DPY19L1: variants seen among roughly 807,000 people sequenced by gnomAD.
The protein encoded by DPY19L1 is dpy-19 like C-mannosyltransferase 1.
DPY19L1 carries 35 observed loss-of-function variants against 96.9 expected under a neutral mutation model. The ratio of observed to expected loss-of-function variants is 0.36; its 90% confidence interval spans 0.28 to 0.48. DPY19L1 has a LOEUF of 0.48. Ranked by LOEUF, DPY19L1 falls within the 20% of genes least tolerant of loss-of-function variation. DPY19L1 has a pLI of 0.99. For missense variants in DPY19L1, 521 were observed against 777.9 expected, an observed-to-expected ratio of 0.67 and a Z score of 3.93; for synonymous variants, 205 against 252.6, an observed-to-expected ratio of 0.81 and a Z score of 1.79.
rs772737477 is a variant in DPY19L1 at position 35,013,624 on chromosome 7, G to A, written c.493C>T (p.Leu165=). Residue 165 remains leucine (L), a synonymous_variant, in exon 4 of 22, where the codon CTG becomes TTG. Transcript: ENST00000638088. ...TTAATGACAAGGGGGTATTCAGTCA[G>A]TTTATCATTCATAATCATCCATACT... ...NGVWMIMNDK[L]TEYPLVINTL... is the part of the protein sequence containing the mutation. 1.2e-6 allele frequency: 2 copies of A among 1,609,266 alleles called. No individual in the cohort carries two copies. The highest frequency in any genetic ancestry group is 1.7e-6 in the Non-Finnish European group (2 of 1,176,464).
rs1292475729 is a variant in DPY19L1, at chr7:34,938,094, T to C, written c.1990A>G (p.Met664Val). The C allele has an allele frequency of 4.3e-6, 7 of 1,613,566 alleles. No individual in the cohort carries two copies. Among genetic ancestry groups the C allele is most frequent in the African/African-American group, 1.3e-5 (1 of 74,910 alleles). The stretch of plus-strand genomic sequence containing the variant: ...TCTTCGGCTGCTTTCCGACTATACA[T>C]TGAGTATACTATTTTTGTTCTGGCT... ...LRARTKIVYS[M>V]YSRKAAEEVK... The change falls in exon 21 of 22, where the codon ATG (methionine) becomes GTG (valine). Residue 664 changes from methionine (M) to valine (V), a missense_variant. By Grantham distance (21) the Met-to-Val change is conservative (BLOSUM62 1). Transcript: ENST00000638088.
chr7:34,997,625 A>G (rs1785322880), intron 6 of DPY19L1, among the ~76,000 whole-genome samples: 1 of 150,844 alleles, frequency 6.6e-6, no homozygotes, highest in Non-Finnish European at 1.5e-5. Flanking sequence ...AAAAAAAAAA[A>G]AAAAAAAAGT....
chr7:34,978,988 C>T (rs1404457038), intron 7 of DPY19L1, among the ~76,000 whole-genome samples: 4 of 152,068 alleles, frequency 2.6e-5, no homozygotes, highest in Admixed American at 2.6e-4. Context: ...TTAGCTCACA[C>T]AGGATTTAAT....
At position 34,929,317 on chromosome 7, in the gene DPY19L1, A is replaced by G. The variant is rs1783700230; in HGVS notation, c.*2256T>C. On this transcript the variant is annotated 3_prime_UTR_variant, in exon 22 of 22. Coordinates refer to ENST00000638088, the MANE Select transcript of DPY19L1 (RefSeq NM_001366673.1). ...CTGCGAGCTGTGGCCACGGCTGCAT[A>G]GCAGGGACCTTCAGGCCTCTGCTCC... 1 of 152,250 alleles carries G rather than the reference A, an allele frequency of 6.6e-6. No homozygotes were observed. Among genetic ancestry groups the G allele is most frequent in the South Asian group, 2.1e-4 (1 of 4,834 alleles). 9.4% of individuals were successfully genotyped at this position (152,250 alleles called of 1,614,324 possible). A position where few individuals can be genotyped will look rare whatever the true frequency, so the allele number is the denominator to read the frequency against.
chr7:35,010,799 A>G (rs1355084292), intron 5 of DPY19L1, among the ~76,000 whole-genome samples: 2 of 152,178 alleles, frequency 1.3e-5, no homozygotes, highest in Non-Finnish European at 2.9e-5. Flanking sequence ...CTCTGGAGGT[A>G]TGGGGTCTAT....
chr7:34,968,077 A>C (rs28607033), intron 9 of DPY19L1, among the ~76,000 whole-genome samples: 3,048 of 152,138 alleles, frequency 0.02, 103 homozygotes, highest in African/African-American at 0.07. Context: ...CACACAGTAC[A>C]TTTACAGGGT....
chr7:35,000,585 A>C (rs1192960069), intron 6 of DPY19L1: 2 of 152,212 alleles, frequency 1.3e-5, no homozygotes, highest in Non-Finnish European at 2.9e-5. Context: ...ATGGAGCACA[A>C]TAGGATCCTG....
chr7:35,033,319 G>T (rs1214207630), intron 1 of DPY19L1, among the ~76,000 whole-genome samples: 2 of 151,854 alleles, frequency 1.3e-5, no homozygotes, highest in Non-Finnish European at 2.9e-5. Flanking sequence ...TTTCTTTCCT[G>T]CAGTGCACTC....
rs746129082 is a variant in DPY19L1 at position 34,958,026 on chromosome 7, C to T, written c.1137G>A (p.Met379Ile). 1.3e-6 allele frequency: 2 copies of T among 1,586,262 alleles called. No individual in the cohort carries two copies. The highest frequency in any genetic ancestry group is 1.2e-5 in the South Asian group (1 of 84,868). The part of the protein sequence containing the change: ...LCFVLMFGNS[M>I]LLTSYYASSL... ...AAGAAGCATAATAAGAAGTTAATAACATTGAGTTCCCAAACATCAAAACAA... is the reference window on the plus strand; with the variant it reads ...AAGAAGCATAATAAGAAGTTAATAATATTGAGTTCCCAAACATCAAAACAA... Residue 379 changes from methionine (M) to isoleucine (I), a missense_variant, in exon 11 of 22, where the codon ATG becomes ATA. Coordinates refer to ENST00000638088, the MANE Select transcript of DPY19L1 (RefSeq NM_001366673.1).
intron 4 of DPY19L1, 25 bp from the exon 5 acceptor site, chr7:35,011,475 C>T: frequency 1.3e-6 from 2 of 1,574,732 alleles, no homozygotes; most frequent in Non-Finnish European, 1.7e-6. Context: ...ACAGAGGCAT[C>T]TTAAGAAAAT....
intron 19 of DPY19L1, 47 bp from the exon 20 acceptor site, chr7:34,939,422 G>A (rs1303510024): frequency 6.6e-7 from 1 of 1,504,246 alleles, no homozygotes. Flanking sequence ...GTGAAGGCGA[G>A]AAGGTGTCTC....
At chr7:35,024,627 T>C (rs1377095614) in intron 1 of DPY19L1, among the ~76,000 whole-genome samples, 6 of 152,174 alleles carry the variant, frequency 3.9e-5, no homozygotes, top group Non-Finnish European at 1.5e-5. Context: ...ACACCCTTCA[T>C]TCTAGATGCA....
At chr7:34,947,021 C>T (rs760264081) in intron 15 of DPY19L1, among the ~76,000 whole-genome samples, 1 of 152,226 alleles carries the variant, frequency 6.6e-6, no homozygotes, top group Non-Finnish European at 1.5e-5. Context: ...GTCTCTTTTT[C>T]CATCACAGAT....
At chr7:35,007,069 C>A (rs1370428360) in intron 6 of DPY19L1, among the ~76,000 whole-genome samples, 2 of 151,974 alleles carry the variant, frequency 1.3e-5, no homozygotes, top group African/African-American at 2.4e-5. Flanking sequence ...GGGTGACTAA[C>A]CATCAAGGAA....
intron 1 of DPY19L1, among the ~76,000 whole-genome samples, chr7:35,023,684 G>C (rs188228001): frequency 6.6e-6 from 1 of 152,222 alleles, no homozygotes; most frequent in East Asian, 1.9e-4. Context: ...CTGGTAAGTG[G>C]CTAGAGATGG....
rs924364669 is a variant in DPY19L1 at position 35,007,609 on chromosome 7, GTA to G, written c.764+2857_764+2858del. On this transcript the variant is annotated intron_variant, in intron 6 of 21. Coordinates refer to ENST00000638088, the MANE Select transcript of DPY19L1 (RefSeq NM_001366673.1). The stretch of plus-strand genomic sequence containing the variant: ...GTGTGGTGTGTGTGTGTGTGTGTGT[GTA>G]TATATATATTTATAGCAAATAGAAG... 9.3e-3 allele frequency among the ~76,000 whole-genome samples: 911 copies of G among 98,192 alleles called. 11 individuals are homozygous for G. The highest frequency in any genetic ancestry group is 0.027 in the African/African-American group (807 of 29,420). 64.4% of individuals were successfully genotyped at this position (98,192 alleles called of 152,430 possible). A position where few individuals can be genotyped will look rare whatever the true frequency, so the allele number is the denominator to read the frequency against.
chr7:35,021,242 T>A (rs936741673), intron 1 of DPY19L1, among the ~76,000 whole-genome samples: 3 of 152,202 alleles, frequency 2.0e-5, no homozygotes, highest in African/African-American at 7.2e-5. Flanking sequence ...TTTCCTATTA[T>A]GCCATTAAGT....
chr7:35,000,032 T>C (rs1010178696), intron 6 of DPY19L1, among the ~76,000 whole-genome samples: 15 of 152,274 alleles, frequency 9.9e-5, no homozygotes, highest in African/African-American at 3.6e-4. Context: ...AAAAGTTGAA[T>C]AATGCCAAAA....
rs200837158 is a variant in DPY19L1, at chr7:34,937,865, AAAG to A, written c.2090+126_2090+128del. Reference sequence around the variant, plus strand: ...CAGAGTGAGAGCCTGTTTAAAAAAAAAAGAAGAAGTTTTTCCATGTATACTTTA... The same window carrying A: ...CAGAGTGAGAGCCTGTTTAAAAAAAAAAGAAGTTTTTCCATGTATACTTTA... On this transcript the variant is annotated intron_variant, in intron 21 of 21. Coordinates refer to ENST00000638088, the MANE Select transcript of DPY19L1 (RefSeq NM_001366673.1). 5,986 of 997,274 alleles carry A rather than the reference AAAG, an allele frequency of 6.0e-3. 197 individuals are homozygous for A. The African/African-American group carries it at 0.081, about 14-fold the overall frequency. 61.8% of individuals were successfully genotyped at this position (997,274 alleles called of 1,614,324 possible). A position where few individuals can be genotyped will look rare whatever the true frequency, so the allele number is the denominator to read the frequency against.
Sources: gnomAD v4.1 joint callset for allele counts (sites outside exome capture counted in the v4.1 genomes callset) on GRCh38, gnomAD v4.1.1 for gene constraint, MANE v1.5 for transcripts, NCBI Gene and HGNC (gene_info 2026-07-23, HGNC 2026-07-21) for gene names.